Variants in ARHGAP10 observed in about 807,000 individuals in gnomAD.
The protein encoded by ARHGAP10 is Rho GTPase activating protein 10.
ARHGAP10 carries 87 observed loss-of-function variants against 108.6 expected under a neutral mutation model. That is an observed-to-expected ratio of 0.80 (90% CI 0.67 to 0.96). The LOEUF (loss-of-function observed/expected upper bound fraction) is 0.96. Among genes scored for constraint, ARHGAP10 ranks in the 40% least tolerant of loss-of-function variants. The probability of loss-of-function intolerance (pLI) is 0.00; values close to 1 mark genes in which losing one functional copy is unlikely to be tolerated. For missense variants in ARHGAP10, 939 were observed against 954.5 expected (o/e 0.98, Z 0.21); for synonymous variants, 347 against 341.1 (o/e 1.02, Z -0.19).
At chr4:147,902,221 C>T (rs1329173646) in intron 10 of ARHGAP10, among the ~76,000 whole-genome samples, 1 of 152,052 alleles carries the variant, frequency 6.6e-6, no homozygotes, top group Non-Finnish European at 1.5e-5. Flanking sequence ...TCCTTTTAGT[C>T]TTCTAATATG....
chr4:147,963,842 C>T (rs1739095638), intron 16 of ARHGAP10, among the ~76,000 whole-genome samples: 1 of 152,176 alleles, frequency 6.6e-6, no homozygotes, highest in Non-Finnish European at 1.5e-5. Flanking sequence ...TCATTCCAGC[C>T]TCTGCTGTGA....
intron 19 of ARHGAP10, among the ~76,000 whole-genome samples, chr4:148,038,285 T>G (rs1728470395): frequency 6.6e-6 from 1 of 152,228 alleles, no homozygotes; most frequent in South Asian, 2.1e-4. Context: ...TTAGGAGATT[T>G]TATTGTCATA....
chr4:147,951,341 C>T (rs17024182), intron 15 of ARHGAP10, among the ~76,000 whole-genome samples: 1 of 151,276 alleles, frequency 6.6e-6, no homozygotes, highest in South Asian at 2.1e-4. Flanking sequence ...TTGAAACAAA[C>T]CCCCTAAAGA....
chr4:147,738,825 A>C (rs1728536139), intron 1 of ARHGAP10, among the ~76,000 whole-genome samples: 1 of 152,156 alleles, frequency 6.6e-6, no homozygotes, highest in African/African-American at 2.4e-5. Flanking sequence ...AGAGAGACAA[A>C]ATTGTCAAAC....
At chr4:147,886,486 A>G (rs1031603760) in intron 10 of ARHGAP10, among the ~76,000 whole-genome samples, 1 of 152,154 alleles carries the variant, frequency 6.6e-6, no homozygotes, top group Admixed American at 6.5e-5. Context: ...TAGATTCCCC[A>G]GTTAAGCCCT....
chr4:147,817,059 T>C (rs925974945), intron 1 of ARHGAP10, among the ~76,000 whole-genome samples: 5 of 152,214 alleles, frequency 3.3e-5, no homozygotes, highest in African/African-American at 1.2e-4. Flanking sequence ...ATTTGTCTAT[T>C]TTAAAAAGGG....
At chr4:147,857,841 AT>A in intron 5 of ARHGAP10, 187 bp downstream of exon 5, 1 of 370,146 alleles carries the variant, frequency 2.7e-6, no homozygotes, top group Non-Finnish European at 4.4e-6. Context: ...AATACATCTT[AT>A]AGTGATTAAT....
Position 147,749,158 on chromosome 4 carries a change from T to C in ARHGAP10, c.154+16703T>C, listed in dbSNP as rs534597298. On this transcript the variant is annotated intron_variant, in intron 1 of 22. Transcript: ENST00000336498. ...TTAATTTTAACCATAATAGAGGAGG[T>C]GAGAGAGATGAAATTGGCAAGAGGG... 1.6e-3 allele frequency among the ~76,000 whole-genome samples: 245 copies of C among 152,052 alleles called. 1 individual carries two copies. Among genetic ancestry groups the C allele is most frequent in the African/African-American group, 5.7e-3 (237 of 41,468 alleles).
intron 13 of ARHGAP10, among the ~76,000 whole-genome samples, chr4:147,926,941 A>G (rs4337713): frequency 0.11 from 16,578 of 152,062 alleles, 1,976 homozygotes; most frequent in East Asian, 0.3. Flanking sequence ...ATTTTCTCAT[A>G]AGAACCATGT....
intron 10 of ARHGAP10, among the ~76,000 whole-genome samples, chr4:147,906,316 A>G (rs948392854): frequency 6.6e-6 from 1 of 152,222 alleles, no homozygotes; most frequent in Admixed American, 6.5e-5. Context: ...ATGGATAAGA[A>G]AAATGTGGTA....
rs185266076 is a variant in ARHGAP10 at position 148,016,520 on chromosome 4, T to A, written c.1717-6743T>A. 2.0e-3 allele frequency among the ~76,000 whole-genome samples: 309 copies of A among 152,022 alleles called. 4 individuals carry two copies. The highest frequency in any genetic ancestry group is 6.3e-3 in the African/African-American group (263 of 41,440). On this transcript the variant is annotated intron_variant, in intron 18 of 22. Coordinates refer to ENST00000336498, the MANE Select transcript of ARHGAP10 (RefSeq NM_024605.4). ...CCTTGTCTCTGAAAGAAAAAAAAAA[T>A]TGAGGGAAAAAATGCAAATTGTTTT... is the stretch of plus-strand genomic sequence containing the variant.
chr4:147,938,467 CTG>C (rs766771678), intron 13 of ARHGAP10, among the ~76,000 whole-genome samples: 1 of 152,148 alleles, frequency 6.6e-6, no homozygotes, highest in Non-Finnish European at 1.5e-5. Flanking sequence ...TGTGTGTGTG[CTG>C]TGAGTTACAA....
At chr4:147,741,621 T>C (rs1400233213) in intron 1 of ARHGAP10, among the ~76,000 whole-genome samples, 1 of 152,074 alleles carries the variant, frequency 6.6e-6, no homozygotes, top group African/African-American at 2.4e-5. Context: ...TTACTTATCC[T>C]AACACAGGAA....
chr4:148,017,799 T>C (rs1333061352), intron 18 of ARHGAP10, among the ~76,000 whole-genome samples: 1 of 152,080 alleles, frequency 6.6e-6, no homozygotes, highest in African/African-American at 2.4e-5. Flanking sequence ...GTTTAAGTTG[T>C]GTGCTAAAGC....
At chr4:147,939,948 A>G in intron 14 of ARHGAP10, 49 bp downstream of exon 14, 2 of 1,464,752 alleles carry the variant, frequency 1.4e-6, no homozygotes, top group South Asian at 1.2e-5. Context: ...GTGTATGTTC[A>G]TTGACTTCAC....
At chr4:147,783,762 AATT>A (rs1041387569) in intron 1 of ARHGAP10, among the ~76,000 whole-genome samples, 12 of 146,764 alleles carry the variant, frequency 8.2e-5, no homozygotes, top group Non-Finnish European at 1.5e-4. Flanking sequence ...GAACACATTA[AATT>A]ATTATATTTA....
At chr4:148,001,457 A>G (rs1578777675) in intron 18 of ARHGAP10, among the ~76,000 whole-genome samples, 1 of 152,138 alleles carries the variant, frequency 6.6e-6, no homozygotes, top group Non-Finnish European at 1.5e-5. Context: ...GAAGAAAGTC[A>G]TTGGTAGCTT....
intron 16 of ARHGAP10, 149 bp downstream of exon 16, chr4:147,955,523 C>A: frequency 1.5e-6 from 1 of 652,438 alleles, no homozygotes; most frequent in Non-Finnish European, 2.7e-6. Context: ...CTCCCCTCAT[C>A]CTTGGGAGGT....
chr4:147,809,130 C>T (rs1045664022), intron 1 of ARHGAP10: 1 of 152,432 alleles, frequency 6.6e-6, no homozygotes, highest in African/African-American at 2.4e-5. Flanking sequence ...GGTCAAAACT[C>T]CTGTGCTGAT....
Sources: allele counts gnomAD v4.1 joint callset (sites outside exome capture counted in the v4.1 genomes callset), GRCh38; gene constraint gnomAD v4.1.1; transcripts MANE v1.5; gene names NCBI Gene and HGNC (gene_info 2026-07-23, HGNC 2026-07-21).